The following AP1S3 variants were observed in gnomAD, a reference collection of about 807,000 sequenced individuals.
AP1S3 encodes the protein AP-1 complex subunit sigma-3.
Under a neutral mutation model 20.9 loss-of-function variants are expected in AP1S3, and 10 were observed. The ratio of observed to expected loss-of-function variants is 0.48; its 90% confidence interval spans 0.29 to 0.81. The LOEUF is 0.81. Ranked by LOEUF, AP1S3 falls within the 30% of genes least tolerant of loss-of-function variation. The pLI, the probability that AP1S3 is intolerant of heterozygous loss-of-function variation, is 0.08. For missense variants in AP1S3, 154 were observed against 183.8 expected, an observed-to-expected ratio of 0.84 and a Z score of 0.94; for synonymous variants, 41 against 61.5, an observed-to-expected ratio of 0.67 and a Z score of 1.56.
chr2:223,808,990 G>A (rs1231155544), intron 1 of AP1S3, among the ~76,000 whole-genome samples: 2 of 152,106 alleles, frequency 1.3e-5, no homozygotes, highest in East Asian at 1.9e-4. Context: ...GGGAGACCCC[G>A]TCTAAAAAAA....
At chr2:223,758,876 G>T in intron 4 of AP1S3, 126 bp from the exon 5 acceptor site, 1 of 776,634 alleles carries the variant, frequency 1.3e-6, no homozygotes, top group Non-Finnish European at 2.0e-6. Flanking sequence ...AGGATACATG[G>T]ATATAAAATC....
chr2:223,798,225 T>G (rs1691389461), intron 1 of AP1S3, among the ~76,000 whole-genome samples: 1 of 152,188 alleles, frequency 6.6e-6, no homozygotes, highest in Non-Finnish European at 1.5e-5. Flanking sequence ...GAATCTCAGG[T>G]AGGCCTGTCA....
intron 1 of AP1S3, among the ~76,000 whole-genome samples, chr2:223,822,245 G>A (rs1692004536): frequency 6.6e-6 from 1 of 151,686 alleles, no homozygotes; most frequent in Non-Finnish European, 1.5e-5. Context: ...TAGAAAAAAT[G>A]AGCTGGGCAT....
intron 1 of AP1S3, among the ~76,000 whole-genome samples, chr2:223,807,080 A>G (rs1378904067): frequency 6.6e-6 from 1 of 152,190 alleles, no homozygotes; most frequent in Non-Finnish European, 1.5e-5. Flanking sequence ...AACCTGGGCA[A>G]CATGGCGAAA....
intron 1 of AP1S3, among the ~76,000 whole-genome samples, chr2:223,820,538 T>A (rs1691962480): frequency 7.2e-6 from 1 of 139,652 alleles, no homozygotes; most frequent in African/African-American, 2.5e-5. Context: ...GTACATACTA[T>A]CCCTATCATC....
intron 1 of AP1S3, among the ~76,000 whole-genome samples, chr2:223,794,599 C>T (rs1170136170): frequency 1.3e-5 from 2 of 152,114 alleles, no homozygotes; most frequent in South Asian, 2.1e-4. Context: ...ATCTGCAAAC[C>T]GAGAGACCCA....
chr2:223,798,428 G>GA (rs968367849), intron 1 of AP1S3, among the ~76,000 whole-genome samples: 1 of 152,116 alleles, frequency 6.6e-6, no homozygotes, highest in East Asian at 1.9e-4. Context: ...ACAATAAGGG[G>GA]AAAAAAATGG....
At chr2:223,793,975 T>C (rs1048397281) in intron 1 of AP1S3, among the ~76,000 whole-genome samples, 2 of 152,170 alleles carry the variant, frequency 1.3e-5, no homozygotes, top group Non-Finnish European at 2.9e-5. Flanking sequence ...ATTGATAGTT[T>C]TTGCTGATTC....
chr2:223,834,586 C>T (rs775230753), intron 1 of AP1S3, among the ~76,000 whole-genome samples: 12 of 151,700 alleles, frequency 7.9e-5, no homozygotes, highest in Non-Finnish European at 7.4e-5. Flanking sequence ...CAAGCCTTGT[C>T]TCAAAATAAA....
Position 223,774,668 on chromosome 2 carries a change from T to C in AP1S3, c.291+1233A>G, listed in dbSNP as rs181099506. The stretch of plus-strand genomic sequence containing the variant: ...AAAATTGAAATCCCAAGTGAACCTA[T>C]ATTAGTGAGAGTGGAAAGAAGGAAA... On this transcript the variant is annotated intron_variant, in intron 3 of 4. Coordinates refer to ENST00000396654, the MANE Select transcript of AP1S3 (RefSeq NM_001039569.2). Among the ~76,000 whole-genome samples the C allele has an allele frequency of 7.0e-3, 1,061 of 152,142 alleles. 38 individuals carry two copies. The highest frequency in any genetic ancestry group is 0.065 in the Admixed American group (995 of 15,276).
At chr2:223,804,199 G>T (rs1229572984) in intron 1 of AP1S3, among the ~76,000 whole-genome samples, 1 of 152,136 alleles carries the variant, frequency 6.6e-6, no homozygotes. Flanking sequence ...GCTCCAGCAA[G>T]ACAGAAGCCA....
chr2:223,776,862 G>A (rs1690796142), intron 2 of AP1S3, among the ~76,000 whole-genome samples: 1 of 152,074 alleles, frequency 6.6e-6, no homozygotes, highest in Non-Finnish European at 1.5e-5. Context: ...CTGTGACTGG[G>A]AACTGACTAC....
intron 1 of AP1S3, among the ~76,000 whole-genome samples, chr2:223,778,508 T>C (rs1471457841): frequency 2.6e-5 from 4 of 152,022 alleles, no homozygotes; most frequent in African/African-American, 9.7e-5. Context: ...TTTTAAAACA[T>C]TAATTTCTTC....
chr2:223,797,717 G>T (rs548876580), intron 1 of AP1S3, among the ~76,000 whole-genome samples: 1 of 152,276 alleles, frequency 6.6e-6, no homozygotes, highest in Admixed American at 6.5e-5. Context: ...AGTGAGCTGA[G>T]ATCGTACCTC....
rs988866213 is a variant in AP1S3, at chr2:223,816,425, G to A, written c.3+21023C>T. ...TCTTTTTAAGCAAAGCCAGGTTTCCGGGCCATGAACACGTAGCTTTGCTAA... is the reference window on the plus strand; with the variant it reads ...TCTTTTTAAGCAAAGCCAGGTTTCCAGGCCATGAACACGTAGCTTTGCTAA... On this transcript the variant is annotated intron_variant, in intron 1 of 4. Coordinates refer to ENST00000396654, the MANE Select transcript of AP1S3 (RefSeq NM_001039569.2). 2.6e-5 allele frequency among the ~76,000 whole-genome samples: 4 copies of A among 152,072 alleles called. No homozygotes were observed. The South Asian group carries it at 6.2e-4, about 24-fold the overall frequency.
At chr2:223,759,696 T>C (rs1218338417) in intron 4 of AP1S3, among the ~76,000 whole-genome samples, 2 of 152,224 alleles carry the variant, frequency 1.3e-5, no homozygotes, top group South Asian at 2.1e-4. Context: ...GGATTTGTTA[T>C]ACAGATGATT....
At chr2:223,810,729 T>C (rs1282665318) in intron 1 of AP1S3, among the ~76,000 whole-genome samples, 1 of 95,144 alleles carries the variant, frequency 1.1e-5, no homozygotes, top group African/African-American at 7.7e-5. Flanking sequence ...AAAGATGTGC[T>C]GTCCCACTTC....
At chr2:223,760,752 A>C (rs1004266631) in intron 4 of AP1S3, among the ~76,000 whole-genome samples, 2 of 152,280 alleles carry the variant, frequency 1.3e-5, no homozygotes, top group African/African-American at 4.8e-5. Flanking sequence ...TGAATTTTGA[A>C]GATGACAAAT....
chr2:223,762,024 G>A (rs999781386), intron 4 of AP1S3, among the ~76,000 whole-genome samples: 5 of 152,094 alleles, frequency 3.3e-5, no homozygotes, highest in Non-Finnish European at 7.4e-5. Flanking sequence ...CCAGGCTAGA[G>A]TGCAGTGGCA....
Sources: allele counts gnomAD v4.1 joint callset (sites outside exome capture counted in the v4.1 genomes callset), GRCh38; gene constraint gnomAD v4.1.1; transcripts MANE v1.5; gene names NCBI Gene and HGNC (gene_info 2026-07-23, HGNC 2026-07-21).